SEMA3E: variants seen among roughly 807,000 people sequenced by gnomAD.
The protein encoded by SEMA3E is semaphorin-3E.
SEMA3E carries 49 observed loss-of-function variants against 93.6 expected under a neutral mutation model. The observed-to-expected ratio is 0.52, with a 90% CI of 0.42 to 0.66. SEMA3E has a LOEUF of 0.66. Among genes scored for constraint, SEMA3E ranks in the 30% least tolerant of loss-of-function variants. The pLI, the probability that SEMA3E is intolerant of heterozygous loss-of-function variation, is 0.00. For missense variants in SEMA3E, 906 were observed against 964.8 expected (o/e 0.94, Z 0.81); for synonymous variants, 363 against 330.7 (o/e 1.10, Z -1.06).
rs1340157506 is a variant in SEMA3E at position 83,465,981 on chromosome 7, A to G, written c.456+501T>C. On this transcript the variant is annotated intron_variant, in intron 4 of 16. Transcript: ENST00000643230. ...AAGAGATGTATAACTGGCACCAAGT[A>G]ATATTTATCTTAACTCAGTTTGAAA... is the stretch of plus-strand genomic sequence containing the variant. Among the ~76,000 whole-genome samples the G allele has an allele frequency of 3.9e-5, 6 of 152,164 alleles. No individual in the cohort carries two copies. In the East Asian group the frequency reaches 1.2e-3, roughly 29 times the overall value.
At chr7:83,506,028 A>AG (rs1476328697) in intron 1 of SEMA3E, among the ~76,000 whole-genome samples, 9 of 133,358 alleles carry the variant, frequency 6.7e-5, no homozygotes, top group African/African-American at 2.1e-4. Context: ...AAAAAAAAAA[A>AG]AAAAATATAT....
chr7:83,521,648 A>G (rs367943116), intron 1 of SEMA3E, among the ~76,000 whole-genome samples: 3 of 152,034 alleles, frequency 2.0e-5, no homozygotes, highest in African/African-American at 7.2e-5. Flanking sequence ...GTGCAACCCA[A>G]TTTGGTTCCT....
chr7:83,523,724 C>T (rs1244315559), intron 1 of SEMA3E, among the ~76,000 whole-genome samples: 1 of 152,064 alleles, frequency 6.6e-6, no homozygotes, highest in Non-Finnish European at 1.5e-5. Flanking sequence ...AGGCCTTTTC[C>T]TATCTATGTA....
At chr7:83,568,488 A>C (rs1336699508) in intron 1 of SEMA3E, among the ~76,000 whole-genome samples, 2 of 152,134 alleles carry the variant, frequency 1.3e-5, no homozygotes, top group African/African-American at 2.4e-5. Context: ...AAACACTAGA[A>C]AAATGAATCC....
chr7:83,510,660 C>G (rs1380966719), intron 1 of SEMA3E, among the ~76,000 whole-genome samples: 2 of 152,054 alleles, frequency 1.3e-5, no homozygotes, highest in African/African-American at 2.4e-5. Flanking sequence ...TAGAATATTC[C>G]TTATCAATTG....
chr7:83,537,518 A>T (rs1156455035), intron 1 of SEMA3E, among the ~76,000 whole-genome samples: 2 of 152,120 alleles, frequency 1.3e-5, no homozygotes, highest in Non-Finnish European at 2.9e-5. Flanking sequence ...GCTTTTATAC[A>T]TTCTATAATG....
chr7:83,479,190 T>G (rs557402158), intron 2 of SEMA3E, among the ~76,000 whole-genome samples: 1 of 152,328 alleles, frequency 6.6e-6, no homozygotes, highest in African/African-American at 2.4e-5. Context: ...TATTCTATAC[T>G]GCTCTAAAAT....
chr7:83,460,130 G>A (rs1344763232), intron 4 of SEMA3E, among the ~76,000 whole-genome samples: 4 of 152,290 alleles, frequency 2.6e-5, no homozygotes, highest in East Asian at 1.9e-4. Context: ...ATTTGGTGCC[G>A]TGATTCAGAT....
chr7:83,434,683 A>AG (rs1788963799), intron 4 of SEMA3E, among the ~76,000 whole-genome samples: 1 of 149,742 alleles, frequency 6.7e-6, no homozygotes, highest in African/African-American at 2.5e-5. Flanking sequence ...ATTTGAGGAT[A>AG]GATTTATTTA....
chr7:83,629,915 A>G (rs572198887), intron 1 of SEMA3E, among the ~76,000 whole-genome samples: 4 of 152,282 alleles, frequency 2.6e-5, no homozygotes, highest in East Asian at 3.9e-4. Context: ...GGGCTCTGGT[A>G]GTGCAGGCAC....
At chr7:83,377,900 G>A (rs1374877980) in intron 16 of SEMA3E, among the ~76,000 whole-genome samples, 1 of 151,854 alleles carries the variant, frequency 6.6e-6, no homozygotes, top group East Asian at 1.9e-4. Flanking sequence ...TTAACTATAT[G>A]TCTCAACAAG....
At chr7:83,556,159 G>T (rs1016084126) in intron 1 of SEMA3E, among the ~76,000 whole-genome samples, 8 of 152,020 alleles carry the variant, frequency 5.3e-5, no homozygotes, top group African/African-American at 1.4e-4. Flanking sequence ...TTTCATGTAG[G>T]TAACATGAAA....
chr7:83,413,713 A>T (rs745770911), intron 5 of SEMA3E, among the ~76,000 whole-genome samples: 23 of 152,122 alleles, frequency 1.5e-4, no homozygotes, highest in Non-Finnish European at 2.6e-4. Flanking sequence ...TTGGTTTGGG[A>T]AGATGATTAG....
intron 1 of SEMA3E, among the ~76,000 whole-genome samples, chr7:83,619,426 A>C (rs1445284048): frequency 6.6e-6 from 1 of 151,902 alleles, no homozygotes; most frequent in Admixed American, 6.6e-5. Context: ...AGTTTACTTA[A>C]TTGACTTTTA....
intron 14 of SEMA3E, among the ~76,000 whole-genome samples, chr7:83,390,612 T>C (rs1338176147): frequency 6.6e-6 from 1 of 152,168 alleles, no homozygotes; most frequent in Non-Finnish European, 1.5e-5. Context: ...GAAGCAAAAA[T>C]GATCTGCTAT....
At chr7:83,561,207 C>T (rs1792022941) in intron 1 of SEMA3E, among the ~76,000 whole-genome samples, 1 of 151,980 alleles carries the variant, frequency 6.6e-6, no homozygotes. Context: ...CACGGTTTTT[C>T]AACATGAAGG....
intron 1 of SEMA3E, among the ~76,000 whole-genome samples, chr7:83,546,037 A>T (rs1407068108): frequency 6.8e-6 from 1 of 146,878 alleles, no homozygotes; most frequent in African/African-American, 2.5e-5. Flanking sequence ...TTTATATTTT[A>T]TATATAATTA....
chr7:83,434,246 C>T lies in SEMA3E; in HGVS notation c.457-15763G>A, dbSNP rs766141174. On this transcript the variant is annotated intron_variant, in intron 4 of 16. Transcript: ENST00000643230. ...ATTGCTCTTACTTAATAAAAACCTG[C>T]AAATTGGCTCCCTGGAAAACAACTT... 1.3e-5 allele frequency among the ~76,000 whole-genome samples: 2 copies of T among 152,024 alleles called. 1 individual carries two copies. The highest frequency in any genetic ancestry group is 3.9e-4 in the East Asian group (2 of 5,192).
chr7:83,394,250 C>A, intron 13 of SEMA3E, 47 bp downstream of exon 13: 1 of 1,523,420 alleles, frequency 6.6e-7, no homozygotes, highest in Non-Finnish European at 8.8e-7. Flanking sequence ...TACCTTAGCT[C>A]ACATATAGAA....
Sources: gnomAD v4.1 joint callset for allele counts (sites outside exome capture counted in the v4.1 genomes callset) on GRCh38, gnomAD v4.1.1 for gene constraint, MANE v1.5 for transcripts, NCBI Gene and HGNC (gene_info 2026-07-23, HGNC 2026-07-21) for gene names.